The following MAP3K9 variants were observed in gnomAD, a reference collection of about 807,000 sequenced individuals.
MAP3K9 encodes the protein mixed lineage kinase 1 (tyr and ser/thr specificity).
In MAP3K9, 46 loss-of-function variants were observed where a neutral mutation model predicts 95.8. The ratio of observed to expected loss-of-function variants is 0.48; its 90% CI spans 0.38 to 0.61. The LOEUF (loss-of-function observed/expected upper bound fraction) is 0.61. Ranked by LOEUF, MAP3K9 falls within the 20% of genes least tolerant of loss-of-function variation. MAP3K9 has a pLI of 0.00. For missense variants in MAP3K9, 1,296 were observed against 1,474.3 expected, an observed-to-expected ratio of 0.88 and a Z score of 1.98; for synonymous variants, 533 against 593.8, an observed-to-expected ratio of 0.90 and a Z score of 1.49.
chr14:70,735,376 T>A (rs558948592), intron 9 of MAP3K9, among the ~76,000 whole-genome samples: 1 of 152,016 alleles, frequency 6.6e-6, no homozygotes, highest in East Asian at 1.9e-4. Flanking sequence ...CTTTTTTTTT[T>A]TTTTTTTAAG....
rs376233261 is a variant in MAP3K9 at position 70,737,517 on chromosome 14, A to T, written c.1844+728T>A. ...CCCAGGACTCAAGCCCACGAGTGAG[A>T]ACACAAGCACACTCCAGGCTCTCAC... On this transcript the variant is annotated intron_variant, in intron 8 of 11. Transcript: ENST00000554752. Among the ~76,000 whole-genome samples, 14 of 152,306 alleles carry T rather than the reference A, an allele frequency of 9.2e-5. No homozygotes were observed. The East Asian group carries it at 2.3e-3, about 25-fold the overall frequency.
At chr14:70,794,150 G>C (rs1216707803) in intron 2 of MAP3K9, among the ~76,000 whole-genome samples, 4 of 152,192 alleles carry the variant, frequency 2.6e-5, no homozygotes, top group Non-Finnish European at 5.9e-5. Context: ...GAGGAAAGGG[G>C]AGACCAGCTT....
At chr14:70,735,885 G>A (rs960678092) in intron 9 of MAP3K9, 76 bp downstream of exon 9, 150 of 1,119,000 alleles carry the variant, frequency 1.3e-4, no homozygotes, top group Non-Finnish European at 2.0e-4. Context: ...ATTCTATGGG[G>A]TATGCTGTAA....
At chr14:70,758,255 T>C (rs767783278) in intron 3 of MAP3K9, among the ~76,000 whole-genome samples, 2 of 152,200 alleles carry the variant, frequency 1.3e-5, no homozygotes, top group African/African-American at 2.4e-5. Context: ...GGTTCAGAGA[T>C]ATAATTGGCC....
chr14:70,731,010 G>T, intron 11 of MAP3K9, 146 bp from the exon 12 acceptor site: 2 of 838,220 alleles, frequency 2.4e-6, no homozygotes, highest in Non-Finnish European at 3.6e-6. Flanking sequence ...CTACTGGGAG[G>T]CACTGGGGAT....
At chr14:70,776,689 C>T (rs796372680) in intron 2 of MAP3K9, among the ~76,000 whole-genome samples, 5 of 152,164 alleles carry the variant, frequency 3.3e-5, no homozygotes, top group African/African-American at 1.2e-4. Flanking sequence ...CAGGTAGGTC[C>T]CATATAGCTG....
chr14:70,800,542 G>T, intron 2 of MAP3K9, 125 bp downstream of exon 2: 1 of 946,028 alleles, frequency 1.1e-6, no homozygotes, highest in Non-Finnish European at 1.6e-6. Context: ...ATTCAAGGAT[G>T]GAATGTGTTT....
rs1048173364 is a variant in MAP3K9 at position 70,724,032 on chromosome 14, G to A, written c.*6348C>T. The A allele has an allele frequency of 6.6e-6, 1 of 152,254 alleles. No individual in the cohort carries two copies. The highest frequency in any genetic ancestry group is 6.5e-5 in the Admixed American group (1 of 15,292). The allele number at this position is 152,254 out of a possible 1,614,324, so 9.4% of individuals were successfully genotyped here. A position where few individuals can be genotyped will look rare whatever the true frequency, so the allele number is the denominator to read the frequency against. On this transcript the variant is annotated 3_prime_UTR_variant, in exon 12 of 12. Coordinates refer to ENST00000554752, the MANE Select transcript of MAP3K9 (RefSeq NM_001284230.2). Reference sequence around the variant, plus strand: ...GACTCACTGTGCAGGCACAGAGCTAGGGAATGTGGCTCTTAGCATGCCAGG... The same window carrying A: ...GACTCACTGTGCAGGCACAGAGCTAAGGAATGTGGCTCTTAGCATGCCAGG...
intron 3 of MAP3K9, among the ~76,000 whole-genome samples, chr14:70,752,447 A>G (rs547208666): frequency 4.4e-4 from 67 of 152,306 alleles, no homozygotes; most frequent in Admixed American, 9.8e-4. Context: ...TGGGTCCTCT[A>G]GAGGAAAACC....
At position 70,732,583 on chromosome 14, in the gene MAP3K9, C is replaced by T; in HGVS notation, c.2786G>A (p.Ser929Asn). 6.2e-7 allele frequency: 1 copy of T among 1,601,504 alleles called. No individual in the cohort carries two copies. The highest frequency in any genetic ancestry group is 1.1e-5 in the South Asian group (1 of 89,418). The change falls in exon 11 of 12, where the codon AGC becomes AAC. Residue 929 changes from serine to asparagine, a missense_variant. Physicochemically the swap from Ser to Asn is conservative, Grantham distance 46. Coordinates refer to ENST00000554752, the MANE Select transcript of MAP3K9 (RefSeq NM_001284230.2). The part of the protein sequence containing the change: ...GALKPETLLA[S>N]RSPSSNGLSP... ...CAACCCATTGCTGGAGGGGCTCCTG[C>T]TGGCTAGGAGAGTCTCTGGCTTAAG...
intron 2 of MAP3K9, among the ~76,000 whole-genome samples, chr14:70,791,371 C>G (rs754674722): frequency 2.6e-5 from 4 of 152,200 alleles, no homozygotes; most frequent in Non-Finnish European, 4.4e-5. Flanking sequence ...GTGTCCTGAG[C>G]TACTTGCTGC....
intron 2 of MAP3K9, among the ~76,000 whole-genome samples, chr14:70,772,567 T>TAC (rs2054545765): frequency 6.6e-6 from 1 of 152,144 alleles, no homozygotes; most frequent in Non-Finnish European, 1.5e-5. Context: ...TCAGTTTAGG[T>TAC]ACTGGTCCCC....
intron 1 of MAP3K9, among the ~76,000 whole-genome samples, chr14:70,807,838 GATTTC>G (rs1009024062): frequency 6.6e-6 from 1 of 152,098 alleles, no homozygotes; most frequent in Non-Finnish European, 1.5e-5. Flanking sequence ...AAAAAAAGAA[GATTTC>G]ATTATAGGGT....
At chr14:70,757,908 G>C (rs2054318088) in intron 3 of MAP3K9, among the ~76,000 whole-genome samples, 1 of 151,952 alleles carries the variant, frequency 6.6e-6, no homozygotes, top group Non-Finnish European at 1.5e-5. Context: ...AAGTCAAAAT[G>C]GATCAGAGAC....
intron 2 of MAP3K9, among the ~76,000 whole-genome samples, chr14:70,789,037 T>C (rs2054778579): frequency 6.6e-6 from 1 of 152,194 alleles, no homozygotes; most frequent in African/African-American, 2.4e-5. Flanking sequence ...AAAAGCATTT[T>C]AATTATCAAC....
At chr14:70,781,175 T>C (rs2054670821) in intron 2 of MAP3K9, among the ~76,000 whole-genome samples, 1 of 152,234 alleles carries the variant, frequency 6.6e-6, no homozygotes, top group Non-Finnish European at 1.5e-5. Flanking sequence ...ACTTCTAAGC[T>C]AGATCAGAAA....
chr14:70,774,249 A>T (rs2054566370), intron 2 of MAP3K9, among the ~76,000 whole-genome samples: 1 of 152,244 alleles, frequency 6.6e-6, no homozygotes, highest in African/African-American at 2.4e-5. Context: ...CCTCAAGATC[A>T]CCAGCCAGGA....
intron 2 of MAP3K9, among the ~76,000 whole-genome samples, chr14:70,777,077 T>C (rs2054609409): frequency 1.3e-5 from 2 of 151,610 alleles, no homozygotes; most frequent in African/African-American, 4.9e-5. Flanking sequence ...GTGATCTGCC[T>C]ACCTCGGCCT....
chr14:70,740,906 T>C (rs1447230952), intron 6 of MAP3K9, among the ~76,000 whole-genome samples: 1 of 152,172 alleles, frequency 6.6e-6, no homozygotes, highest in East Asian at 1.9e-4. Flanking sequence ...CAAAGGGTGC[T>C]TAAAGAGTCC....
Sources: gnomAD v4.1 joint callset for allele counts (sites outside exome capture counted in the v4.1 genomes callset) on GRCh38, gnomAD v4.1.1 for gene constraint, MANE v1.5 for transcripts, NCBI Gene and HGNC (gene_info 2026-07-23, HGNC 2026-07-21) for gene names.